The following SERINC5 variants were observed in gnomAD, a reference collection of about 807,000 sequenced individuals.
SERINC5 encodes the protein chromosome 5 open reading frame 12.
In SERINC5, 41 loss-of-function variants were observed where a neutral mutation model predicts 63.1. That is an observed-to-expected ratio of 0.65 (90% CI 0.51 to 0.84). The LOEUF (loss-of-function observed/expected upper bound fraction) is 0.84. SERINC5 is among the 40% of genes least tolerant of loss of function. The pLI, the probability that SERINC5 is intolerant of heterozygous loss-of-function variation, is 0.00. For missense variants in SERINC5, 523 were observed against 573.0 expected (o/e 0.91, Z 0.89); for synonymous variants, 222 against 215.2 (o/e 1.03, Z -0.28).
chr5:80,191,481 A>C (rs1423089782), intron 2 of SERINC5, among the ~76,000 whole-genome samples: 2 of 112,656 alleles, frequency 1.8e-5, no homozygotes, highest in African/African-American at 3.1e-5. Context: ...CATCTCTACA[A>C]AAAAAAAAAA....
intron 2 of SERINC5, 114 bp from the exon 3 acceptor site, chr5:80,178,178 A>C (rs1580119578): frequency 1.7e-6 from 1 of 594,732 alleles, no homozygotes; most frequent in Middle Eastern, 2.6e-4. Flanking sequence ...CGTGTGCATA[A>C]AGAAACAGAC....
At position 80,140,001 on chromosome 5, in the gene SERINC5, G is replaced by C. The variant is rs759188077; in HGVS notation, c.*3662C>G. 48 of 985,220 alleles carry C rather than the reference G, an allele frequency of 4.9e-5. No individual in the cohort carries two copies. The highest frequency in any genetic ancestry group is 5.4e-5 in the Non-Finnish European group (45 of 829,932). 61.0% of individuals were successfully genotyped at this position (985,220 alleles called of 1,614,324 possible). ...CTTCGCAGGAAGGTGAAGCACCAAT[G>C]ATGGCAAAAATTAAATAAATACATC... On this transcript the variant is annotated 3_prime_UTR_variant, in exon 12 of 12. Coordinates refer to ENST00000507668, the MANE Select transcript of SERINC5 (RefSeq NM_001174072.3).
chr5:80,236,060 C>T (rs990832392), intron 1 of SERINC5, among the ~76,000 whole-genome samples: 1 of 152,136 alleles, frequency 6.6e-6, no homozygotes, highest in Non-Finnish European at 1.5e-5. Flanking sequence ...ACTGGATCTA[C>T]ACATTACTTA....
intron 1 of SERINC5, among the ~76,000 whole-genome samples, chr5:80,246,047 C>G (rs946095530): frequency 1.3e-4 from 19 of 148,244 alleles, no homozygotes; most frequent in African/African-American, 4.7e-4. Context: ...ATAAGGCTAG[C>G]AAAGCTAAAG....
In SERINC5 at chr5:80,142,023, A is replaced by G; in HGVS notation, c.*1640T>C. 1.0e-6 allele frequency: 1 copy of G among 985,462 alleles called. No individual in the cohort carries two copies. The highest frequency in any genetic ancestry group is 4.7e-5 in the South Asian group (1 of 21,290). 61.0% of individuals were successfully genotyped at this position (985,462 alleles called of 1,614,324 possible). A position where few individuals can be genotyped will look rare whatever the true frequency, so the allele number is the denominator to read the frequency against. On this transcript the variant is annotated 3_prime_UTR_variant, in exon 12 of 12. Transcript: ENST00000507668. ...CCAGCATTTTGGCACACAGAAGCCCAGCTTAGGTGGCACTCAATTCTGCCC... is the reference window on the plus strand; with the variant it reads ...CCAGCATTTTGGCACACAGAAGCCCGGCTTAGGTGGCACTCAATTCTGCCC...
At chr5:80,176,814 GT>G (rs1748060920) in intron 4 of SERINC5, among the ~76,000 whole-genome samples, 1 of 152,174 alleles carries the variant, frequency 6.6e-6, no homozygotes, top group South Asian at 2.1e-4. Flanking sequence ...TGAAATTCAG[GT>G]TTTTCCCTCA....
At chr5:80,245,577 A>G (rs1752132855) in intron 1 of SERINC5, among the ~76,000 whole-genome samples, 1 of 151,854 alleles carries the variant, frequency 6.6e-6, no homozygotes, top group Non-Finnish European at 1.5e-5. Flanking sequence ...CAGCCTCTGA[A>G]CTTCATTATT....
chr5:80,139,594 AAAAG>A lies in SERINC5; in HGVS notation c.*4065_*4068del. The stretch of plus-strand genomic sequence containing the variant: ...TGTGAAAGAGTTGTTGAGAAAGAAG[AAAAG>A]AGAGAGAGAGAGAAAGGTCTAAACA... On this transcript the variant is annotated 3_prime_UTR_variant, in exon 12 of 12. Transcript: ENST00000507668. 1 of 514,946 alleles carries A rather than the reference AAAAG, an allele frequency of 1.9e-6. No homozygotes were observed. The highest frequency in any genetic ancestry group is 2.3e-6 in the Non-Finnish European group (1 of 440,604). 31.9% of individuals were successfully genotyped at this position (514,946 alleles called of 1,614,324 possible).
chr5:80,155,125 T>C (rs1423339370), intron 8 of SERINC5, among the ~76,000 whole-genome samples: 1 of 152,228 alleles, frequency 6.6e-6, no homozygotes, highest in East Asian at 1.9e-4. Flanking sequence ...CTGTCCAGGC[T>C]GACAGTCTGA....
In SERINC5 at chr5:80,140,408, T is replaced by C. The variant is rs996706165; in HGVS notation, c.*3255A>G. 7.2e-5 allele frequency: 71 copies of C among 984,068 alleles called. No homozygotes were observed. Among genetic ancestry groups the C allele is most frequent in the East Asian group, 1.1e-4 (1 of 8,760 alleles). The allele number at this position is 984,068 out of a possible 1,614,324, so 61.0% of individuals were successfully genotyped here. A position where few individuals can be genotyped will look rare whatever the true frequency, so the allele number is the denominator to read the frequency against. ...AGGTTATTCATAATAAAGGATCTTCTGAGGAATCGGAAATAAACAATGTTG... is the reference window on the plus strand; with the variant it reads ...AGGTTATTCATAATAAAGGATCTTCCGAGGAATCGGAAATAAACAATGTTG... On this transcript the variant is annotated 3_prime_UTR_variant, in exon 12 of 12. Transcript: ENST00000507668.
chr5:80,226,092 C>T (rs1751153361), intron 1 of SERINC5, among the ~76,000 whole-genome samples: 1 of 151,768 alleles, frequency 6.6e-6, no homozygotes, highest in African/African-American at 2.4e-5. Flanking sequence ...GTGTCTCACT[C>T]TGTCCCCCCA....
At chr5:80,234,282 C>G (rs1044773410) in intron 1 of SERINC5, among the ~76,000 whole-genome samples, 3 of 152,178 alleles carry the variant, frequency 2.0e-5, no homozygotes, top group African/African-American at 7.2e-5. Context: ...ACAGTTTAAT[C>G]TTAGCACCAT....
chr5:80,137,924 T>A (rs1745280544), downstream of SERINC5, among the ~76,000 whole-genome samples: 1 of 150,850 alleles, frequency 6.6e-6, no homozygotes, highest in Non-Finnish European at 1.5e-5. Context: ...GGTGACAGAG[T>A]GAGACTCTGT....
chr5:80,249,242 G>C (rs1299845890), intron 1 of SERINC5, among the ~76,000 whole-genome samples: 1 of 151,880 alleles, frequency 6.6e-6, no homozygotes, highest in African/African-American at 2.4e-5. Context: ...GTGAACCTGG[G>C]AGGCGGAGCT....
At chr5:80,116,158 C>A in intron 11 of SERINC5, 1 of 378,714 alleles carries the variant, frequency 2.6e-6, no homozygotes, top group Admixed American at 3.5e-5. Flanking sequence ...GCCTCTCTGG[C>A]ACTCCATCTT....
At chr5:80,239,460 T>C (rs1751854760) in intron 1 of SERINC5, among the ~76,000 whole-genome samples, 2 of 140,744 alleles carry the variant, frequency 1.4e-5, no homozygotes, top group Non-Finnish European at 3.0e-5. Flanking sequence ...GGGTGAACAC[T>C]GGGATTCTTT....
Position 80,256,018 on chromosome 5 carries a change from C to T in SERINC5, c.-96G>A. On this transcript the variant is annotated 5_prime_UTR_variant, in exon 1 of 12. Transcript: ENST00000507668. ...CCTCGAGCGCTGGGCTCAGCCGCAG[C>T]TCACACTTGAACGAAGATCAGCCTC... 3.2e-6 allele frequency: 4 copies of T among 1,263,408 alleles called. No homozygotes were observed. Among genetic ancestry groups the T allele is most frequent in the Middle Eastern group, 2.5e-4 (1 of 3,936 alleles). 78.3% of individuals were successfully genotyped at this position (1,263,408 alleles called of 1,614,324 possible).
chr5:80,141,699 A>T lies in SERINC5; in HGVS notation c.*1964T>A, dbSNP rs141460304. ...CCTGAGCCCATTCCTGGCCCACGGAACTCCTGTCCCCTAACTGATTCCTCA... is the reference window on the plus strand; with the variant it reads ...CCTGAGCCCATTCCTGGCCCACGGATCTCCTGTCCCCTAACTGATTCCTCA... On this transcript the variant is annotated 3_prime_UTR_variant, in exon 12 of 12. Transcript: ENST00000507668. The T allele has an allele frequency of 4.3e-4, 428 of 985,350 alleles. 3 individuals are homozygous for T. The African/African-American group carries it at 7.0e-3, about 16-fold the overall frequency. 61.0% of individuals were successfully genotyped at this position (985,350 alleles called of 1,614,324 possible).
At chr5:80,165,975 T>C (rs1359292464) in intron 7 of SERINC5, among the ~76,000 whole-genome samples, 3 of 152,220 alleles carry the variant, frequency 2.0e-5, no homozygotes, top group Non-Finnish European at 4.4e-5. Context: ...TTAATTTTTG[T>C]GGATACATAG....
Sources: allele counts gnomAD v4.1 joint callset (sites outside exome capture counted in the v4.1 genomes callset), GRCh38; gene constraint gnomAD v4.1.1; transcripts MANE v1.5; gene names NCBI Gene and HGNC (gene_info 2026-07-23, HGNC 2026-07-21).